TESK2: variants seen among roughly 807,000 people sequenced by gnomAD.
TESK2 encodes the protein testis associated actin remodelling kinase 2.
TESK2 carries 39 observed loss-of-function variants against 57.1 expected under a neutral mutation model. The observed-to-expected ratio is 0.68, with a 90% CI of 0.53 to 0.89. TESK2 has a LOEUF of 0.89. TESK2 is among the 40% of genes least tolerant of loss of function. The pLI, the probability that TESK2 is intolerant of heterozygous loss-of-function variation, is 0.00. For missense variants in TESK2, 646 were observed against 732.1 expected (o/e 0.88, Z 1.36); for synonymous variants, 249 against 267.9 (o/e 0.93, Z 0.69).
Position 45,486,827 on chromosome 1 carries a change from A to AT in TESK2, c.-87+4024dup, listed in dbSNP as rs1383856104. Among the ~76,000 whole-genome samples the AT allele has an allele frequency of 7.9e-3, 1,115 of 141,312 alleles. 23 individuals are homozygous for AT. Among genetic ancestry groups the AT allele is most frequent in the African/African-American group, 0.025 (937 of 37,908 alleles). The allele number at this position is 141,312 out of a possible 152,430, so 92.7% of individuals were successfully genotyped here. Reference sequence around the variant, plus strand: ...CACACACACACACACACATATATACATTTTTTTTTTTTGAGACGGACTTTC... The same window carrying AT: ...CACACACACACACACACATATATACATTTTTTTTTTTTTGAGACGGACTTTC... On this transcript the variant is annotated intron_variant, in intron 1 of 10. Coordinates refer to ENST00000372086, the MANE Select transcript of TESK2 (RefSeq NM_007170.3).
chr1:45,472,417 G>T (rs1248492004), intron 1 of TESK2, among the ~76,000 whole-genome samples: 2 of 151,916 alleles, frequency 1.3e-5, no homozygotes, highest in Non-Finnish European at 2.9e-5. Context: ...AATTAGCCAG[G>T]CATGGTGGCA....
chr1:45,347,136 C>A, intron 7 of TESK2, 74 bp from the exon 8 acceptor site: 2 of 1,328,434 alleles, frequency 1.5e-6, no homozygotes, highest in Non-Finnish European at 2.2e-6. Context: ...CCCCTGCCTC[C>A]CCTGCACCCC....
chr1:45,484,509 G>A lies in TESK2; in HGVS notation c.-87+6343C>T, dbSNP rs1653374959. Among the ~76,000 whole-genome samples the A allele has an allele frequency of 3.3e-5, 5 of 151,640 alleles. No individual in the cohort carries two copies. The South Asian group carries it at 1.0e-3, about 32-fold the overall frequency. On this transcript the variant is annotated intron_variant, in intron 1 of 10. Transcript: ENST00000372086. ...CCAGCACTTTGGGAGGCTGAGGCGG[G>A]CAGATCACTTGAGGTCAGGAGTTCA...
chr1:45,368,187 G>T (rs1271087889), intron 4 of TESK2, among the ~76,000 whole-genome samples: 1 of 148,546 alleles, frequency 6.7e-6, no homozygotes, highest in Non-Finnish European at 1.5e-5. Context: ...ATAGAGATGG[G>T]TTTCACCATG....
chr1:45,377,750 G>A (rs754007853), intron 4 of TESK2, among the ~76,000 whole-genome samples: 18 of 146,078 alleles, frequency 1.2e-4, no homozygotes, highest in Admixed American at 2.7e-4. Flanking sequence ...GATAAGGGCC[G>A]GGCACAGTGG....
Position 45,434,959 on chromosome 1 carries a change from CT to C in TESK2, c.223-13114del, listed in dbSNP as rs60515365. On this transcript the variant is annotated intron_variant, in intron 2 of 10. Coordinates refer to ENST00000372086, the MANE Select transcript of TESK2 (RefSeq NM_007170.3). The stretch of plus-strand genomic sequence containing the variant: ...GTGTTTCCTCTGTTTACTTTTCTTT[CT>C]TTTTTTTTTTTTTCTTTTTTTGAGA... Among the ~76,000 whole-genome samples the C allele has an allele frequency of 1.7e-3, 242 of 140,418 alleles. 3 individuals carry two copies. The South Asian group carries it at 0.028, about 16-fold the overall frequency. 92.1% of individuals were successfully genotyped at this position (140,418 alleles called of 152,430 possible). A position where few individuals can be genotyped will look rare whatever the true frequency, so the allele number is the denominator to read the frequency against.
intron 4 of TESK2, among the ~76,000 whole-genome samples, chr1:45,380,901 C>T (rs754990382): frequency 6.6e-6 from 1 of 152,166 alleles, no homozygotes; most frequent in Non-Finnish European, 1.5e-5. Context: ...ACTATGCATG[C>T]TACACACATA....
intron 1 of TESK2, among the ~76,000 whole-genome samples, chr1:45,483,017 C>T (rs1433957736): frequency 2.2e-4 from 33 of 151,086 alleles, no homozygotes; most frequent in Non-Finnish European, 3.5e-4. Context: ...CAGTAGCTGA[C>T]GCCTGTAATC....
intron 3 of TESK2, among the ~76,000 whole-genome samples, chr1:45,421,419 A>T (rs963744280): frequency 2.0e-5 from 3 of 152,222 alleles, no homozygotes; most frequent in African/African-American, 7.2e-5. Flanking sequence ...CATAAAGACC[A>T]ATCTCTCCTC....
At chr1:45,417,524 T>C (rs1650291612) in intron 3 of TESK2, among the ~76,000 whole-genome samples, 1 of 152,196 alleles carries the variant, frequency 6.6e-6, no homozygotes, top group East Asian at 1.9e-4. Context: ...CATTTGTCTA[T>C]TTTTGCTTTT....
At chr1:45,350,614 A>G (rs765631167) in intron 5 of TESK2, among the ~76,000 whole-genome samples, 7 of 152,132 alleles carry the variant, frequency 4.6e-5, no homozygotes, top group Non-Finnish European at 7.4e-5. Flanking sequence ...TGCCTCAGGG[A>G]CTGTTATATT....
At chr1:45,408,680 G>GA (rs1277069912) in intron 3 of TESK2, among the ~76,000 whole-genome samples, 1 of 152,064 alleles carries the variant, frequency 6.6e-6, no homozygotes, top group African/African-American at 2.4e-5. Context: ...TTTTCTCCAG[G>GA]AAAAAATCCA....
At chr1:45,446,639 A>C (rs1651657828) in intron 2 of TESK2, among the ~76,000 whole-genome samples, 1 of 152,204 alleles carries the variant, frequency 6.6e-6, no homozygotes, top group Admixed American at 6.5e-5. Context: ...AGATAGAATT[A>C]GAAAACAATG....
chr1:45,357,119 C>T (rs1647458692), intron 4 of TESK2, among the ~76,000 whole-genome samples: 1 of 151,742 alleles, frequency 6.6e-6, no homozygotes, highest in Non-Finnish European at 1.5e-5. Context: ...TCACTTGAAC[C>T]CGGGAGGCAG....
chr1:45,418,903 T>C (rs909496628), intron 3 of TESK2, among the ~76,000 whole-genome samples: 2 of 151,958 alleles, frequency 1.3e-5, no homozygotes, highest in African/African-American at 4.8e-5. Flanking sequence ...ACTTACTATG[T>C]AATCACAAAA....
intron 1 of TESK2, among the ~76,000 whole-genome samples, chr1:45,476,445 T>G (rs952056936): frequency 3.3e-5 from 5 of 151,174 alleles, no homozygotes; most frequent in Non-Finnish European, 7.4e-5. Flanking sequence ...GAGCGGAGGT[T>G]GCAATGAGTC....
At chr1:45,453,130 T>C (rs1651937156) in intron 2 of TESK2, among the ~76,000 whole-genome samples, 1 of 151,770 alleles carries the variant, frequency 6.6e-6, no homozygotes, top group African/African-American at 2.4e-5. Flanking sequence ...GCTGATCACC[T>C]GAGCCCAGGA....
At chr1:45,416,420 T>C (rs1650245832) in intron 3 of TESK2, among the ~76,000 whole-genome samples, 1 of 152,102 alleles carries the variant, frequency 6.6e-6, no homozygotes, top group South Asian at 2.1e-4. Flanking sequence ...ATTACAGGTG[T>C]GGGCACACCC....
chr1:45,484,609 G>C (rs1246288838), intron 1 of TESK2, among the ~76,000 whole-genome samples: 4 of 151,976 alleles, frequency 2.6e-5, no homozygotes, highest in Non-Finnish European at 5.9e-5. Flanking sequence ...GGTGGTGCAC[G>C]GCTACTCAGC....
Sources: allele counts gnomAD v4.1 joint callset (sites outside exome capture counted in the v4.1 genomes callset), GRCh38; gene constraint gnomAD v4.1.1; transcripts MANE v1.5; gene names NCBI Gene and HGNC (gene_info 2026-07-23, HGNC 2026-07-21).